ARHGAP22: variants seen among roughly 807,000 people sequenced by gnomAD.
The protein encoded by ARHGAP22 is rho GTPase-activating protein 22.
ARHGAP22 carries 48 observed loss-of-function variants against 59.1 expected under a neutral mutation model. The observed-to-expected ratio is 0.81, with a 90% CI of 0.64 to 1.03. The LOEUF is 1.03. Among genes scored for constraint, ARHGAP22 ranks in the 50% least tolerant of loss-of-function variants. The pLI, the probability that ARHGAP22 is intolerant of heterozygous loss-of-function variation, is 0.00. For missense variants in ARHGAP22, 1,015 were observed against 958.7 expected (o/e 1.06, Z -0.78); for synonymous variants, 445 against 416.4 (o/e 1.07, Z -0.84).
chr10:48,431,082 A>G, the ARHGAP22 span: 794 of 693,160 alleles, frequency 1.1e-3, 2 homozygotes, highest in Admixed American at 8.4e-4. Context: ...CATTGTAAGG[A>G]CACTGTTTGA....
intron 2 of ARHGAP22, among the ~76,000 whole-genome samples, chr10:48,577,519 C>A (rs2058796558): frequency 6.6e-6 from 1 of 152,186 alleles, no homozygotes; most frequent in East Asian, 1.9e-4. Context: ...GGAGAAAATT[C>A]ATCAGTTTCC....
intron 3 of ARHGAP22, among the ~76,000 whole-genome samples, chr10:48,498,436 C>T (rs541186374): frequency 4.4e-4 from 67 of 152,262 alleles, no homozygotes; most frequent in African/African-American, 1.6e-3. Context: ...AAGCCAGGAG[C>T]CAGTGAAGTG....
At chr10:48,538,586 G>A (rs1398961522) in intron 3 of ARHGAP22, among the ~76,000 whole-genome samples, 1 of 152,174 alleles carries the variant, frequency 6.6e-6, no homozygotes, top group East Asian at 1.9e-4. Flanking sequence ...TGGTATTCCA[G>A]AATAATGTGC....
chr10:48,602,207 T>C (rs11817042), intron 1 of ARHGAP22, among the ~76,000 whole-genome samples: 12,914 of 152,142 alleles, frequency 0.085, 1,293 homozygotes, highest in African/African-American at 0.24. Flanking sequence ...CTTCATCATA[T>C]TAATAGAGCT....
At chr10:48,588,624 C>T (rs2059570709) in intron 1 of ARHGAP22, among the ~76,000 whole-genome samples, 1 of 152,178 alleles carries the variant, frequency 6.6e-6, no homozygotes. Flanking sequence ...GTGCCCTTCA[C>T]CCTCCACCCT....
At chr10:48,467,095 G>A (rs1245954663) in intron 4 of ARHGAP22, among the ~76,000 whole-genome samples, 3 of 152,222 alleles carry the variant, frequency 2.0e-5, no homozygotes, top group African/African-American at 7.2e-5. Context: ...GGCCCTTCTG[G>A]CCTCTTCCTG....
At chr10:48,648,786 G>A (rs577847659) in intron 1 of ARHGAP22, among the ~76,000 whole-genome samples, 8 of 152,326 alleles carry the variant, frequency 5.3e-5, no homozygotes, top group Admixed American at 2.6e-4. Flanking sequence ...GTGGGGGAGC[G>A]TGGGGTGCTT....
chr10:48,582,197 CCT>C (rs1463470907), intron 2 of ARHGAP22, among the ~76,000 whole-genome samples: 1 of 152,154 alleles, frequency 6.6e-6, no homozygotes, highest in Admixed American at 6.5e-5. Context: ...GGGGATCTGC[CCT>C]CTCTGACTTG....
intron 1 of ARHGAP22, among the ~76,000 whole-genome samples, chr10:48,590,616 G>C (rs539187227): frequency 7.2e-4 from 110 of 152,308 alleles, no homozygotes; most frequent in African/African-American, 2.5e-3. Context: ...TTTGTGCCAG[G>C]GTGCCCATAA....
At chr10:48,465,007 T>C (rs1472592267) in intron 4 of ARHGAP22, among the ~76,000 whole-genome samples, 1 of 152,084 alleles carries the variant, frequency 6.6e-6, no homozygotes, top group Non-Finnish European at 1.5e-5. Context: ...GTGCTGGGGC[T>C]TCTGGGCCCG....
At chr10:48,561,791 C>T (rs2057703328) in intron 2 of ARHGAP22, among the ~76,000 whole-genome samples, 2 of 152,186 alleles carry the variant, frequency 1.3e-5, no homozygotes, top group African/African-American at 4.8e-5. Context: ...TTGGATACCA[C>T]TACATATCTA....
chr10:48,637,857 G>A (rs74130601), intron 1 of ARHGAP22, among the ~76,000 whole-genome samples: 134 of 152,212 alleles, frequency 8.8e-4, no homozygotes, highest in African/African-American at 3.1e-3. Context: ...CATCCTCCTC[G>A]CTGCTAAAGC....
intron 3 of ARHGAP22, among the ~76,000 whole-genome samples, chr10:48,531,646 AAGAGGAGGGCACCGAAGT>A (rs2054855105): frequency 7.1e-6 from 1 of 141,278 alleles, no homozygotes; most frequent in Non-Finnish European, 1.6e-5. Flanking sequence ...TTCCACTTGC[AAGAGGAGGGCACCGAAGT>A]ACAGAGAAGT....
intron 1 of ARHGAP22, among the ~76,000 whole-genome samples, chr10:48,589,818 G>T (rs1407764216): frequency 6.6e-6 from 1 of 152,072 alleles, no homozygotes; most frequent in African/African-American, 2.4e-5. Flanking sequence ...GCTACTAAGG[G>T]AGCTACACAC....
At chr10:48,632,214 A>ATGATATT (rs2061652880) in intron 1 of ARHGAP22, among the ~76,000 whole-genome samples, 1 of 152,178 alleles carries the variant, frequency 6.6e-6, no homozygotes, top group Non-Finnish European at 1.5e-5. Flanking sequence ...GTGAGAACAT[A>ATGATATT]TGATATTTGC....
At chr10:48,447,576 C>T (rs576014819) in intron 9 of ARHGAP22, among the ~76,000 whole-genome samples, 4 of 152,306 alleles carry the variant, frequency 2.6e-5, no homozygotes, top group African/African-American at 9.6e-5. Flanking sequence ...TGAGCCCTCC[C>T]TACCAGGATC....
At chr10:48,501,741 A>G (rs1164026317) in intron 3 of ARHGAP22, among the ~76,000 whole-genome samples, 2 of 89,458 alleles carry the variant, frequency 2.2e-5, no homozygotes, top group South Asian at 6.3e-4. Context: ...ATGTACATCC[A>G]AAAAAAAAAA....
At chr10:48,481,039 C>G (rs1342443992) in intron 3 of ARHGAP22, among the ~76,000 whole-genome samples, 1 of 152,254 alleles carries the variant, frequency 6.6e-6, no homozygotes, top group Non-Finnish European at 1.5e-5. Context: ...GGGTGAGGAG[C>G]AGCCAGGGCT....
chr10:48,454,878 C>G, intron 6 of ARHGAP22, 124 bp downstream of exon 6: 1 of 1,210,454 alleles, frequency 8.3e-7, no homozygotes, highest in Non-Finnish European at 1.1e-6. Flanking sequence ...ACCCCCAACA[C>G]AGCAGGCCTC....
Sources: allele counts gnomAD v4.1 joint callset (sites outside exome capture counted in the v4.1 genomes callset), GRCh38; gene constraint gnomAD v4.1.1; transcripts MANE v1.5; gene names NCBI Gene and HGNC (gene_info 2026-07-23, HGNC 2026-07-21).